The following ZNF772 variants were observed in gnomAD, a reference collection of about 807,000 sequenced individuals.
ZNF772 encodes zinc finger protein 772.
In ZNF772, 8 loss-of-function variants were observed where a neutral mutation model predicts 11.0. That is an observed-to-expected ratio of 0.73 (90% confidence interval 0.43 to 1.31). The LOEUF (loss-of-function observed/expected upper bound fraction) is 1.31. Among genes scored for constraint, ZNF772 ranks in the 50% most tolerant of loss-of-function variants. The pLI, the probability that ZNF772 is intolerant of heterozygous loss-of-function variation, is 0.01. For synonymous variants in ZNF772, 155 were observed against 180.4 expected, an observed-to-expected ratio of 0.86 and a Z score of 1.13; for missense variants, 496 against 552.3, an observed-to-expected ratio of 0.90 and a Z score of 1.02.
intron 1 of ZNF772, 102 bp from the exon 2 acceptor site, chr19:57,476,774 C>T: frequency 9.8e-7 from 1 of 1,021,564 alleles, no homozygotes; most frequent in Non-Finnish European, 1.4e-6. Flanking sequence ...TGCCTGGGAG[C>T]TGAATGTCTA....
chr19:57,470,936 C>G lies in ZNF772; in HGVS notation c.*2338G>C, dbSNP rs778828351. The G allele has an allele frequency of 1.3e-5, 2 of 149,148 alleles. No individual in the cohort carries two copies. Among genetic ancestry groups the G allele is most frequent in the Non-Finnish European group, 3.0e-5 (2 of 67,582 alleles). The allele number at this position is 149,148 out of a possible 1,614,324, so 9.2% of individuals were successfully genotyped here. A position where few individuals can be genotyped will look rare whatever the true frequency, so the allele number is the denominator to read the frequency against. On this transcript the variant is annotated 3_prime_UTR_variant, in exon 4 of 4. Transcript: ENST00000356584. ...TGGAAATCAAACTTGTAGTTAGATG[C>G]TGTCCTACAAAACACACTTCAGGGC... is the stretch of plus-strand genomic sequence containing the variant.
At chr19:57,476,481 C>A in intron 2 of ZNF772, 153 bp downstream of exon 2, 1 of 874,676 alleles carries the variant, frequency 1.1e-6, no homozygotes. Flanking sequence ...AACCCCTGGC[C>A]CGGAGTCAGG....
At position 57,473,820 on chromosome 19, in the gene ZNF772, T is replaced by C. The variant is rs200670804; in HGVS notation, c.801A>G (p.Ile267Met). 4.8e-5 allele frequency: 78 copies of C among 1,613,570 alleles called. No homozygotes were observed. The East Asian group carries it at 1.6e-3, about 33-fold the overall frequency. ...ECGKTFSRKP[I>M]LAQHQRIHTG... ...TGTGGATTCTCTGGTGCTGAGCAAG[T>C]ATGGGTTTGCGGCTAAAGGTTTTCC... Residue 267 changes from isoleucine (I) to methionine (M), a missense_variant, in exon 4 of 4, where the codon ATA becomes ATG. Transcript: ENST00000356584.
chr19:57,474,228 G>T lies in ZNF772; in HGVS notation c.393C>A (p.Tyr131Ter). 1 of 1,614,172 alleles carries T rather than the reference G, an allele frequency of 6.2e-7. No homozygotes were observed. Residue 131 changes from tyrosine to a stop codon, truncating the protein, a stop_gained, in exon 4 of 4, where the codon TAC becomes TAA. Coordinates refer to ENST00000356584, the MANE Select transcript of ZNF772 (RefSeq NM_001144068.2). LOFTEE classifies it low-confidence loss of function (END_TRUNC). ...HQETHPGQKP[Y>*]MCVLCGKQFC... ...ACTGTTTCCCACACAGCACACACATGTATGGTTTCTGCCCTGGGTGTGTTT... is the reference window on the plus strand; with the variant it reads ...ACTGTTTCCCACACAGCACACACATTTATGGTTTCTGCCCTGGGTGTGTTT...
In ZNF772 at chr19:57,475,677, G is replaced by A. The variant is rs2089274759; in HGVS notation, c.182C>T (p.Ala61Val). 2 of 1,613,952 alleles carry A rather than the reference G, an allele frequency of 1.2e-6. No homozygotes were observed. Among genetic ancestry groups the A allele is most frequent in the Non-Finnish European group, 1.7e-6 (2 of 1,179,890 alleles). The change falls in exon 3 of 4, where the codon GCA becomes GTA. Residue 61 changes from alanine to valine, a missense_variant. Transcript: ENST00000356584. This position sits in a 1 kb window ranked among gnomAD's most constrained non-coding sequence, Gnocchi z 4.2. ...GGCCTTACCCAGAGAGGCCATAAGT[G>A]CAAAGTTCTCCAGCATCACATCACG... ...LYRDVMLENF[A>V]LMASLGCWHG...
At position 57,473,799 on chromosome 19, in the gene ZNF772, G is replaced by A. The variant is rs201303546; in HGVS notation, c.822C>T (p.Ile274=). 3 of 1,613,648 alleles carry A rather than the reference G, an allele frequency of 1.9e-6. No homozygotes were observed. The highest frequency in any genetic ancestry group is 2.5e-6 in the Non-Finnish European group (3 of 1,179,894). The change falls in exon 4 of 4, where the codon ATC becomes ATT. Residue 274 remains isoleucine (I), a synonymous_variant. Transcript: ENST00000356584. ...RKPILAQHQR[I]HTGEMPYECG... ...ACTCATAAGGCATTTCTCCAGTGTGGATTCTCTGGTGCTGAGCAAGTATGG... is the reference window on the plus strand; with the variant it reads ...ACTCATAAGGCATTTCTCCAGTGTGAATTCTCTGGTGCTGAGCAAGTATGG...
rs2089253564 is a variant in ZNF772 at position 57,474,126 on chromosome 19, C to A, written c.495G>T (p.Arg165Ser). 1.2e-6 allele frequency: 2 copies of A among 1,614,168 alleles called. No homozygotes were observed. Among genetic ancestry groups the A allele is most frequent in the Non-Finnish European group, 1.7e-6 (2 of 1,180,008 alleles). Residue 165 changes from arginine to serine, a missense_variant, in exon 4 of 4, where the codon AGG (arginine) becomes AGT (serine). Coordinates refer to ENST00000356584, the MANE Select transcript of ZNF772 (RefSeq NM_001144068.2). ...CAGCACAGTTGTTCAGAAGAAAGGG[C>A]CTGCTCTTATCACTTCTAAAGGGTT... ...GEKPFRSDKS[R>S]PFLLNNCAVQ...
rs1378526354 is a variant in ZNF772 at position 57,477,542 on chromosome 19, A to G, written c.-233T>C. The G allele has an allele frequency of 2.0e-6, 1 of 489,694 alleles. No individual in the cohort carries two copies. 30.3% of individuals were successfully genotyped at this position (489,694 alleles called of 1,614,324 possible). ...TAATGGAAAAGCAAACAAAATGTCC[A>G]CCCGAGGATGGTAGAGGAAGTCCCG... On this transcript the variant is annotated 5_prime_UTR_variant, in exon 1 of 4. Transcript: ENST00000356584.
rs1025450785 is a variant in ZNF772 at position 57,473,081 on chromosome 19, A to T, written c.*193T>A. 4 of 602,284 alleles carry T rather than the reference A, an allele frequency of 6.6e-6. No individual in the cohort carries two copies. The highest frequency in any genetic ancestry group is 5.5e-5 in the African/African-American group (3 of 54,088). 37.3% of individuals were successfully genotyped at this position (602,284 alleles called of 1,614,324 possible). On this transcript the variant is annotated 3_prime_UTR_variant, in exon 4 of 4. Coordinates refer to ENST00000356584, the MANE Select transcript of ZNF772 (RefSeq NM_001144068.2). ...GGCACTGCCTTGACGAAATTCCAGCAAGAGTCTAGAAAATTCAGCATAGCT... is the reference window on the plus strand; with the variant it reads ...GGCACTGCCTTGACGAAATTCCAGCTAGAGTCTAGAAAATTCAGCATAGCT...
rs1030266680 is a variant in ZNF772 at position 57,475,852 on chromosome 19, C to T, written c.73-66G>A. Reference sequence around the variant, plus strand: ...TCCCAAGAACCCCCATCCGTGCCCCCACACATCTCCCTCCTGTACACCCTC... The same window carrying T: ...TCCCAAGAACCCCCATCCGTGCCCCTACACATCTCCCTCCTGTACACCCTC... On this transcript the variant is annotated intron_variant, in intron 2 of 3. Coordinates refer to ENST00000356584, the MANE Select transcript of ZNF772 (RefSeq NM_001144068.2). This position sits in a 1 kb window ranked among gnomAD's most constrained non-coding sequence, Gnocchi z 4.2. The T allele has an allele frequency of 1.9e-6, 3 of 1,543,152 alleles. No individual in the cohort carries two copies. Among genetic ancestry groups the T allele is most frequent in the African/African-American group, 1.4e-5 (1 of 72,658 alleles).
rs200003855 is a variant in ZNF772 at position 57,474,221 on chromosome 19, C to T, written c.400G>A (p.Val134Met). 7.2e-5 allele frequency: 117 copies of T among 1,614,090 alleles called. 1 individual carries two copies. In the Middle Eastern group the frequency reaches 2.1e-3, roughly 29 times the overall value. Residue 134 changes from valine (V) to methionine (M), a missense_variant, in exon 4 of 4, where the codon GTG (valine) becomes ATG (methionine). Val to Met is a conservative substitution (Grantham distance 21). Transcript: ENST00000356584. The stretch of plus-strand genomic sequence containing the variant: ...AAGCAGAACTGTTTCCCACACAGCA[C>T]ACACATGTATGGTTTCTGCCCTGGG... ...THPGQKPYMCVLCGKQFCFSA... is the reference protein window; with the variant it reads ...THPGQKPYMCMLCGKQFCFSA...
At chr19:57,476,372 A>G in intron 2 of ZNF772, 1 of 500,180 alleles carries the variant, frequency 2.0e-6, no homozygotes, top group Non-Finnish European at 3.6e-6. Context: ...CTCCCTTCTC[A>G]GTCTCACCTC....
chr19:57,476,521 T>TC (rs770476093), intron 2 of ZNF772, 113 bp downstream of exon 2: 1 of 1,366,284 alleles, frequency 7.3e-7, no homozygotes, highest in African/African-American at 1.4e-5. Context: ...TCCAGAGTCC[T>TC]CAGACCCAAG....
chr19:57,476,739 C>G lies in ZNF772; in HGVS notation c.34-67G>C, dbSNP rs568688194. 27 of 1,396,954 alleles carry G rather than the reference C, an allele frequency of 1.9e-5. 1 individual carries two copies. The Middle Eastern group carries it at 5.7e-4, about 29-fold the overall frequency. 86.5% of individuals were successfully genotyped at this position (1,396,954 alleles called of 1,614,324 possible). On this transcript the variant is annotated intron_variant, in intron 1 of 3. Coordinates refer to ENST00000356584, the MANE Select transcript of ZNF772 (RefSeq NM_001144068.2). ...AGGAACCCCAAAGGCTCAACCCCAT[C>G]CCATATTCCTACCCAGTTACAATGT...
rs940698874 is a variant in ZNF772, at chr19:57,477,504, T to C, written c.-195A>G. The C allele has an allele frequency of 3.6e-6, 2 of 551,662 alleles. No homozygotes were observed. The highest frequency in any genetic ancestry group is 6.5e-6 in the Non-Finnish European group (2 of 308,750). The allele number at this position is 551,662 out of a possible 1,614,324, so 34.2% of individuals were successfully genotyped here. A position where few individuals can be genotyped will look rare whatever the true frequency, so the allele number is the denominator to read the frequency against. ...AGGTCTGACATTGCGTTCTGGAAAC[T>C]AAACCAGTGGATTAATGGAAAAGCA... On this transcript the variant is annotated 5_prime_UTR_variant, in exon 1 of 4. Transcript: ENST00000356584.
Position 57,475,598 on chromosome 19 carries a change from C to T in ZNF772, c.199+62G>A, listed in dbSNP as rs2089273500. The stretch of plus-strand genomic sequence containing the variant: ...CTGATGTAGGAAGGACAAAGATGCC[C>T]TGAAAAAAAGGGGAAGGGCAGGACC... On this transcript the variant is annotated intron_variant, in intron 3 of 3. Coordinates refer to ENST00000356584, the MANE Select transcript of ZNF772 (RefSeq NM_001144068.2). This position sits in a 1 kb window ranked among gnomAD's most constrained non-coding sequence, Gnocchi z 4.2. The T allele has an allele frequency of 6.2e-7, 1 of 1,610,734 alleles. No individual in the cohort carries two copies. The highest frequency in any genetic ancestry group is 8.5e-7 in the Non-Finnish European group (1 of 1,177,822).
Position 57,470,189 on chromosome 19 carries a change from T to A in ZNF772, c.*3085A>T, listed in dbSNP as rs1046629669. 4 of 151,980 alleles carry A rather than the reference T, an allele frequency of 2.6e-5. No homozygotes were observed. The highest frequency in any genetic ancestry group is 5.9e-5 in the Non-Finnish European group (4 of 68,030). The allele number at this position is 151,980 out of a possible 1,614,324, so 9.4% of individuals were successfully genotyped here. ...CCATCCTGGCTAACACGGTGAAACCTCGTCTCTACTAAAAATACAAAAAAT... is the reference window on the plus strand; with the variant it reads ...CCATCCTGGCTAACACGGTGAAACCACGTCTCTACTAAAAATACAAAAAAT... On this transcript the variant is annotated 3_prime_UTR_variant, in exon 4 of 4. Coordinates refer to ENST00000356584, the MANE Select transcript of ZNF772 (RefSeq NM_001144068.2).
At position 57,470,993 on chromosome 19, in the gene ZNF772, C is replaced by G. The variant is rs889152300; in HGVS notation, c.*2281G>C. On this transcript the variant is annotated 3_prime_UTR_variant, in exon 4 of 4. Coordinates refer to ENST00000356584, the MANE Select transcript of ZNF772 (RefSeq NM_001144068.2). ...GACAGACAGACAACACACACACAGA[C>G]AGATGTACATATAACTTGTACAGCC... 1.3e-5 allele frequency: 2 copies of G among 152,156 alleles called. No homozygotes were observed. The highest frequency in any genetic ancestry group is 4.8e-5 in the African/African-American group (2 of 41,432). The allele number at this position is 152,156 out of a possible 1,614,324, so 9.4% of individuals were successfully genotyped here.
Position 57,475,524 on chromosome 19 carries a change from C to T in ZNF772, c.199+136G>A. 1 of 1,410,044 alleles carries T rather than the reference C, an allele frequency of 7.1e-7. No homozygotes were observed. Among genetic ancestry groups the T allele is most frequent in the Non-Finnish European group, 1.0e-6 (1 of 998,446 alleles). 87.3% of individuals were successfully genotyped at this position (1,410,044 alleles called of 1,614,324 possible). On this transcript the variant is annotated intron_variant, in intron 3 of 3. Transcript: ENST00000356584. This position sits in a 1 kb window ranked among gnomAD's most constrained non-coding sequence, Gnocchi z 4.2. Reference sequence around the variant, plus strand: ...GAGTGCAAACAGCCCAAGCCCAGCACTCACAGAACCTACTCCAGGCACTAA... The same window carrying T: ...GAGTGCAAACAGCCCAAGCCCAGCATTCACAGAACCTACTCCAGGCACTAA...
Sources: gnomAD v4.1 joint callset for allele counts on GRCh38, gnomAD v4.1.1 for gene constraint, Gnocchi (gnomAD v3.1) non-coding constraint, MANE v1.5 for transcripts, NCBI Gene and HGNC (gene_info 2026-07-23, HGNC 2026-07-21) for gene names.